HPX: variants seen among roughly 807,000 people sequenced by gnomAD.
The protein encoded by HPX is beta-1B-glycoprotein.
HPX carries 42 observed loss-of-function variants against 53.8 expected under a neutral mutation model. The ratio of observed to expected loss-of-function variants is 0.78; its 90% CI spans 0.61 to 1.01. The LOEUF is 1.01. Among genes scored for constraint, HPX ranks in the 50% least tolerant of loss-of-function variants. The probability of loss-of-function intolerance (pLI) is 0.00; values close to 1 mark genes in which losing one functional copy is unlikely to be tolerated. For synonymous variants in HPX, 229 were observed against 221.1 expected, an observed-to-expected ratio of 1.04 and a Z score of -0.32; for missense variants, 547 against 594.3, an observed-to-expected ratio of 0.92 and a Z score of 0.83.
intron 7 of HPX, among the ~76,000 whole-genome samples, chr11:6,435,649 G>A (rs965133971): frequency 2.0e-5 from 3 of 152,098 alleles, no homozygotes; most frequent in African/African-American, 7.2e-5. Context: ...GTTTTGCCAT[G>A]TTGCCCAGGC....
At chr11:6,434,101 C>T (rs1590803830) in intron 7 of HPX, among the ~76,000 whole-genome samples, 2 of 152,342 alleles carry the variant, frequency 1.3e-5, no homozygotes, top group South Asian at 4.1e-4. Flanking sequence ...CCTGTCAGGG[C>T]AGGCATCTTG....
intron 7 of HPX, among the ~76,000 whole-genome samples, chr11:6,434,327 T>C (rs1220323667): frequency 2.0e-5 from 3 of 152,184 alleles, no homozygotes; most frequent in Non-Finnish European, 4.4e-5. Flanking sequence ...ATATTTATTT[T>C]ATTTTATTTA....
In HPX at chr11:6,431,321, G is replaced by A. The variant is rs965917252; in HGVS notation, c.1279C>T (p.Leu427Phe). 1 of 1,614,258 alleles carries A rather than the reference G, an allele frequency of 6.2e-7. No individual in the cohort carries two copies. The highest frequency in any genetic ancestry group is 8.5e-7 in the Non-Finnish European group (1 of 1,180,052). ...SCSANGPGLY[L>F]IHGPNLYCYS... Reference sequence around the variant, plus strand: ...CAGTACAAATTGGGACCATGGATGAGGTACAAGCCGGGACCATTGGCGGAA... The same window carrying A: ...CAGTACAAATTGGGACCATGGATGAAGTACAAGCCGGGACCATTGGCGGAA... The change falls in exon 10 of 10, where the codon CTC becomes TTC. Residue 427 changes from leucine (L) to phenylalanine (F), a missense_variant. Coordinates refer to ENST00000265983, the MANE Select transcript of HPX (RefSeq NM_000613.3).
chr11:6,438,101 G>T (rs906060291), intron 5 of HPX: 2 of 546,150 alleles, frequency 3.7e-6, no homozygotes, highest in Admixed American at 6.7e-5. Flanking sequence ...GACTAAAGAG[G>T]GTAGATTTGT....
At chr11:6,433,980 T>A (rs765580573) in intron 7 of HPX, among the ~76,000 whole-genome samples, 1 of 152,246 alleles carries the variant, frequency 6.6e-6, no homozygotes, top group Non-Finnish European at 1.5e-5. Flanking sequence ...CTCATTCTCC[T>A]CACCTCTATC....
chr11:6,436,210 T>C (rs1156748957), intron 7 of HPX, among the ~76,000 whole-genome samples: 1 of 152,220 alleles, frequency 6.6e-6, no homozygotes, highest in South Asian at 2.1e-4. Context: ...TCATAACTGG[T>C]CAAATTTGTC....
intron 6 of HPX, 85 bp downstream of exon 6, chr11:6,437,355 A>G: frequency 2.8e-6 from 4 of 1,415,390 alleles, no homozygotes; most frequent in Non-Finnish European, 4.0e-6. Context: ...CACGGAGTTA[A>G]AGTGAGAGCT....
At chr11:6,435,550 G>A (rs918523846) in intron 7 of HPX, among the ~76,000 whole-genome samples, 8 of 151,900 alleles carry the variant, frequency 5.3e-5, no homozygotes, top group Admixed American at 6.6e-5. Context: ...CTGAAGCCTC[G>A]ACCTTCCGGG....
chr11:6,436,804 AG>A (rs1398494816), intron 7 of HPX, among the ~76,000 whole-genome samples: 1 of 152,236 alleles, frequency 6.6e-6, no homozygotes, highest in Non-Finnish European at 1.5e-5. Flanking sequence ...AGAGGTCCAC[AG>A]GGGGCACAGC....
At chr11:6,435,566 C>A (rs1849406069) in intron 7 of HPX, among the ~76,000 whole-genome samples, 2 of 152,044 alleles carry the variant, frequency 1.3e-5, no homozygotes, top group South Asian at 4.1e-4. Flanking sequence ...CCGGGCTCAG[C>A]CTCTGAAGTA....
At chr11:6,439,299 A>T (rs1277657790) in intron 4 of HPX, among the ~76,000 whole-genome samples, 1 of 152,236 alleles carries the variant, frequency 6.6e-6, no homozygotes, top group Non-Finnish European at 1.5e-5. Flanking sequence ...ACCAAGGCCC[A>T]GATCATGAGA....
chr11:6,438,415 T>A lies in HPX; in HGVS notation c.431A>T (p.Asp144Val). Residue 144 changes from aspartate (D) to valine (V), a missense_variant, in exon 5 of 10, where the codon GAT becomes GTT. Coordinates refer to ENST00000265983, the MANE Select transcript of HPX (RefSeq NM_000613.3). ...TCCACGGTGACATTCCACAGCTGCATCCAGTGGGGATGGGATTCCAGGAAA... is the reference window on the plus strand; with the variant it reads ...TCCACGGTGACATTCCACAGCTGCAACCAGTGGGGATGGGATTCCAGGAAA... The part of the protein sequence containing the change: ...DEFPGIPSPL[D>V]AAVECHRGEC... 1 of 1,614,082 alleles carries A rather than the reference T, an allele frequency of 6.2e-7. No individual in the cohort carries two copies. The highest frequency in any genetic ancestry group is 8.5e-7 in the Non-Finnish European group (1 of 1,179,938).
intron 7 of HPX, among the ~76,000 whole-genome samples, chr11:6,433,870 C>T (rs1849381755): frequency 6.6e-6 from 1 of 152,164 alleles, no homozygotes; most frequent in Non-Finnish European, 1.5e-5. Context: ...GTATGTGCTG[C>T]TCACCCTCCC....
In HPX at chr11:6,431,130, A is replaced by G. The variant is rs1345914553; in HGVS notation, c.*81T>C. On this transcript the variant is annotated 3_prime_UTR_variant, in exon 10 of 10. Transcript: ENST00000265983. The stretch of plus-strand genomic sequence containing the variant: ...CCAGACTCATGTCAGAAGGCCCCTC[A>G]GTGAGAAGCGAAGAAGCAATCTGTC... The G allele has an allele frequency of 9.6e-6, 15 of 1,564,600 alleles. No homozygotes were observed. In the African/African-American group the frequency reaches 1.2e-4, roughly 13 times the overall value.
chr11:6,434,579 C>G (rs551644028), intron 7 of HPX, among the ~76,000 whole-genome samples: 1 of 152,184 alleles, frequency 6.6e-6, no homozygotes, highest in African/African-American at 2.4e-5. Context: ...GATCTGCCCC[C>G]CTCGGCCTCC....
chr11:6,437,628 A>G lies in HPX; in HGVS notation c.515T>C (p.Leu172Ser), dbSNP rs1849433107. The change falls in exon 6 of 10, where the codon TTG becomes TCG. Residue 172 changes from leucine (L) to serine (S), a missense_variant. Transcript: ENST00000265983. Reference protein sequence around the residue: ...FQGDREWFWDLATGTMKERSW... With the variant: ...FQGDREWFWDSATGTMKERSW... ...ACGCTCCTTCATGGTTCCCGTAGCC[A>G]AGTCCCAGAACCACTCGCGGTCACC... 1 of 1,614,152 alleles carries G rather than the reference A, an allele frequency of 6.2e-7. No homozygotes were observed. Among genetic ancestry groups the G allele is most frequent in the Non-Finnish European group, 8.5e-7 (1 of 1,180,034 alleles).
intron 7 of HPX, 50 bp from the exon 8 acceptor site, chr11:6,432,067 GA>G: frequency 6.2e-7 from 1 of 1,608,942 alleles, no homozygotes; most frequent in Non-Finnish European, 8.5e-7. Flanking sequence ...AGCCCAGGCA[GA>G]GAAGAGGCTA....
intron 5 of HPX, chr11:6,438,129 A>G: frequency 1.7e-6 from 1 of 579,750 alleles, no homozygotes; most frequent in East Asian, 2.8e-5. Context: ...GTCATGGGGA[A>G]CAATGAGGGA....
intron 4 of HPX, 125 bp from the exon 5 acceptor site, chr11:6,438,634 A>G: frequency 2.4e-6 from 2 of 830,370 alleles, no homozygotes; most frequent in East Asian, 2.6e-5. Flanking sequence ...TTCTCAGTCC[A>G]TCTGTGGACA....
Sources: gnomAD v4.1 joint callset for allele counts (sites outside exome capture counted in the v4.1 genomes callset) on GRCh38, gnomAD v4.1.1 for gene constraint, MANE v1.5 for transcripts, NCBI Gene and HGNC (gene_info 2026-07-23, HGNC 2026-07-21) for gene names.